Variants in SVIL observed in about 807,000 individuals in gnomAD.
The protein encoded by SVIL is supervillin.
A neutral mutation model predicts 240.4 loss-of-function variants in SVIL; 101 were observed. The ratio of observed to expected loss-of-function variants is 0.42; its 90% CI spans 0.36 to 0.50. The LOEUF (loss-of-function observed/expected upper bound fraction) is 0.50. Ranked by LOEUF, SVIL falls within the 20% of genes least tolerant of loss-of-function variation. The probability of loss-of-function intolerance (pLI) is 0.01; values close to 1 mark genes in which losing one functional copy is unlikely to be tolerated. For missense variants in SVIL, 2,512 were observed against 2,818.7 expected, an observed-to-expected ratio of 0.89 and a Z score of 2.46; for synonymous variants, 999 against 1,100.0, an observed-to-expected ratio of 0.91 and a Z score of 1.82.
In SVIL at chr10:29,596,237, G is replaced by A. The variant is rs533837483; in HGVS notation, c.-200-26925C>T. On this transcript the variant is annotated intron_variant, in intron 1 of 37. Transcript: ENST00000355867. ...TGTATTCCCAGCCCTTTGGGAGGCC[G>A]AGGTGGGAGGATTGCTTGAGGCCAG... 6.3e-4 allele frequency among the ~76,000 whole-genome samples: 96 copies of A among 152,292 alleles called. 1 individual carries two copies. The highest frequency in any genetic ancestry group is 7.1e-4 in the Non-Finnish European group (48 of 68,026).
At position 29,646,216 on chromosome 10, in the gene SVIL, C is replaced by A. The variant is rs11007682; in HGVS notation, c.-201+11753G>T. The stretch of plus-strand genomic sequence containing the variant: ...CAACTTTATCCCTCACAGACACCCC[C>A]CTGCCCTGCAATCTGTGATCGTAAT... On this transcript the variant is annotated intron_variant, in intron 3 of 35. Coordinates refer to the SVIL transcript ENST00000375400. Among the ~76,000 whole-genome samples the A allele has an allele frequency of 5.9e-5, 9 of 152,336 alleles. No homozygotes were observed. The South Asian group carries it at 1.9e-3, about 32-fold the overall frequency.
chr10:29,563,914 G>A (rs890605616), intron 2 of SVIL, among the ~76,000 whole-genome samples: 2 of 146,550 alleles, frequency 1.4e-5, no homozygotes, highest in Non-Finnish European at 3.0e-5. Context: ...TCTCCCCCAT[G>A]TATCTGCTTT....
chr10:29,490,296 A>G (rs1947821766), intron 22 of SVIL, among the ~76,000 whole-genome samples: 1 of 152,230 alleles, frequency 6.6e-6, no homozygotes, highest in Non-Finnish European at 1.5e-5. Flanking sequence ...TTTTACTATA[A>G]GAGATCAAAT....
intron 1 of SVIL, among the ~76,000 whole-genome samples, chr10:29,629,400 A>G (rs1036192773): frequency 1.3e-5 from 2 of 152,168 alleles, no homozygotes; most frequent in Admixed American, 1.3e-4. Flanking sequence ...TCAGACAGGA[A>G]TTAGCATCAC....
At chr10:29,581,249 C>G (rs1181705833) in intron 1 of SVIL, among the ~76,000 whole-genome samples, 1 of 152,208 alleles carries the variant, frequency 6.6e-6, no homozygotes, top group Non-Finnish European at 1.5e-5. Context: ...TGAGGCAGAA[C>G]TGCCTGACCT....
chr10:29,514,466 T>C (rs895064659), intron 16 of SVIL, among the ~76,000 whole-genome samples: 2 of 152,208 alleles, frequency 1.3e-5, no homozygotes, highest in Non-Finnish European at 2.9e-5. Context: ...GGTTTTGAAC[T>C]CCCGGGCTCA....
chr10:29,707,779 T>C (rs1393009754), intron 1 of SVIL, among the ~76,000 whole-genome samples: 1 of 152,200 alleles, frequency 6.6e-6, no homozygotes, highest in Non-Finnish European at 1.5e-5. Context: ...GGCACTGTGC[T>C]AAGGACTTTT....
intron 1 of SVIL, among the ~76,000 whole-genome samples, chr10:29,630,366 C>A (rs891590118): frequency 6.6e-6 from 1 of 152,134 alleles, no homozygotes; most frequent in Non-Finnish European, 1.5e-5. Flanking sequence ...ATTAAAGGAT[C>A]AACTTTCAGA....
intron 1 of SVIL, among the ~76,000 whole-genome samples, chr10:29,579,352 G>A (rs1181852666): frequency 1.3e-5 from 2 of 152,088 alleles, no homozygotes; most frequent in Non-Finnish European, 2.9e-5. Flanking sequence ...ACAGGAGAAT[G>A]GCATGAACCC....
At chr10:29,544,580 C>G (rs533327319) in intron 6 of SVIL, among the ~76,000 whole-genome samples, 1 of 151,898 alleles carries the variant, frequency 6.6e-6, no homozygotes, top group South Asian at 2.1e-4. Context: ...CATTGTGAAA[C>G]CCCATCTCTT....
chr10:29,695,380 C>G (rs765131267), intron 1 of SVIL, among the ~76,000 whole-genome samples: 1 of 152,212 alleles, frequency 6.6e-6, no homozygotes, highest in African/African-American at 2.4e-5. Context: ...AGTGCCCTGA[C>G]TTCACCACTA....
At chr10:29,663,202 T>G (rs1959178377) in intron 2 of SVIL, among the ~76,000 whole-genome samples, 1 of 152,182 alleles carries the variant, frequency 6.6e-6, no homozygotes, top group Admixed American at 6.5e-5. Context: ...TAGAAGACTT[T>G]GTGATCCTAG....
chr10:29,501,735 A>C (rs189156697), intron 17 of SVIL, among the ~76,000 whole-genome samples: 3 of 152,344 alleles, frequency 2.0e-5, no homozygotes, highest in Middle Eastern at 3.4e-3. Flanking sequence ...ATCAAAATTC[A>C]ACAAAGAGAA....
intron 1 of SVIL, among the ~76,000 whole-genome samples, chr10:29,588,804 C>T (rs562408348): frequency 1.1e-4 from 17 of 152,274 alleles, no homozygotes; most frequent in African/African-American, 3.1e-4. Flanking sequence ...GAGATAAATG[C>T]GTAACTGACT....
chr10:29,490,768 CAGAAAA>C, intron 22 of SVIL, 73 bp downstream of exon 22: 1 of 1,569,876 alleles, frequency 6.4e-7, no homozygotes, highest in East Asian at 2.3e-5. Context: ...CTTCACAAGG[CAGAAAA>C]CCAAGCAATG....
At chr10:29,723,967 T>C (rs909197919) in intron 1 of SVIL, among the ~76,000 whole-genome samples, 1 of 152,170 alleles carries the variant, frequency 6.6e-6, no homozygotes, top group Non-Finnish European at 1.5e-5. Context: ...AACTTCTAGC[T>C]GAAATGGAAA....
chr10:29,716,442 G>A (rs897542761), intron 1 of SVIL, among the ~76,000 whole-genome samples: 5 of 151,898 alleles, frequency 3.3e-5, no homozygotes, highest in Admixed American at 3.3e-4. Context: ...AATCAGAACA[G>A]TCAAGAAAAA....
chr10:29,649,540 T>C (rs2133006389), intron 3 of SVIL, among the ~76,000 whole-genome samples: 1 of 152,302 alleles, frequency 6.6e-6, no homozygotes, highest in Non-Finnish European at 1.5e-5. Flanking sequence ...AAACACTACA[T>C]TTTAAAAATA....
intron 36 of SVIL, among the ~76,000 whole-genome samples, chr10:29,460,728 G>A (rs951781327): frequency 4.6e-5 from 7 of 152,024 alleles, no homozygotes; most frequent in African/African-American, 1.7e-4. Context: ...GAGAGACATG[G>A]CAAAACCTCA....
Sources: gnomAD v4.1 joint callset for allele counts (sites outside exome capture counted in the v4.1 genomes callset) on GRCh38, gnomAD v4.1.1 for gene constraint, MANE v1.5 for transcripts, NCBI Gene and HGNC (gene_info 2026-07-23, HGNC 2026-07-21) for gene names.